PAX3: variants seen among roughly 807,000 people sequenced by gnomAD.
PAX3 encodes paired box protein Pax-3.
A neutral mutation model predicts 51.6 loss-of-function variants in PAX3; 14 were observed. That is an observed-to-expected ratio of 0.27 (90% CI 0.18 to 0.42). The LOEUF is 0.42. Ranked by LOEUF, PAX3 falls within the 10% of genes least tolerant of loss-of-function variation. PAX3 has a pLI of 1.00. For synonymous variants in PAX3, 280 were observed against 253.4 expected (o/e 1.11, Z -1.00); for missense variants, 540 against 642.8 (o/e 0.84, Z 1.73).
intron 8 of PAX3, 71 bp from the exon 9 acceptor site, chr2:222,201,513 A>G: frequency 1.3e-6 from 2 of 1,565,418 alleles, no homozygotes; most frequent in Non-Finnish European, 1.8e-6. Context: ...GATCAGCTAC[A>G]GGCTGACAAT....
At chr2:222,258,026 C>T (rs1429052779) in intron 4 of PAX3, among the ~76,000 whole-genome samples, 1 of 152,204 alleles carries the variant, frequency 6.6e-6, no homozygotes, top group Non-Finnish European at 1.5e-5. Flanking sequence ...GACACCCTTC[C>T]ATTCTAAAAC....
At chr2:222,290,531 G>T (rs1030545077) in intron 4 of PAX3, among the ~76,000 whole-genome samples, 2 of 152,054 alleles carry the variant, frequency 1.3e-5, no homozygotes, top group Admixed American at 6.5e-5. Context: ...AGAGTGTATC[G>T]CCAGTCCCCA....
At chr2:222,256,777 A>G (rs1220755257) in intron 4 of PAX3, among the ~76,000 whole-genome samples, 1 of 152,234 alleles carries the variant, frequency 6.6e-6, no homozygotes, top group African/African-American at 2.4e-5. Context: ...GTAACCTGAC[A>G]TCATCTCAGA....
intron 4 of PAX3, among the ~76,000 whole-genome samples, chr2:222,280,709 G>A (rs1445226889): frequency 2.0e-5 from 3 of 152,196 alleles, no homozygotes; most frequent in Admixed American, 1.3e-4. Flanking sequence ...AGACCCAGAG[G>A]AGCCAAGGCC....
intron 5 of PAX3, among the ~76,000 whole-genome samples, chr2:222,222,264 T>C (rs1335581146): frequency 6.6e-6 from 1 of 152,140 alleles, no homozygotes; most frequent in Non-Finnish European, 1.5e-5. Context: ...CCTGTGCTCC[T>C]GCCCAACTCT....
Position 222,285,655 on chromosome 2 carries a change from A to T in PAX3, c.586+8512T>A, listed in dbSNP as rs45606133. On this transcript the variant is annotated intron_variant, in intron 4 of 8. Coordinates refer to ENST00000392070, the MANE Select transcript of PAX3 (RefSeq NM_181458.4). The stretch of plus-strand genomic sequence containing the variant: ...TGCAATACAAATTTCATAGCAATTA[A>T]CTTTTCTTTCTTAATATTCTACCCT... 5.3e-5 allele frequency among the ~76,000 whole-genome samples: 8 copies of T among 152,352 alleles called. No homozygotes were observed. In the East Asian group the frequency reaches 1.5e-3, roughly 29 times the overall value.
intron 4 of PAX3, among the ~76,000 whole-genome samples, chr2:222,275,704 CA>C (rs967489220): frequency 5.3e-5 from 8 of 151,758 alleles, no homozygotes; most frequent in African/African-American, 1.7e-4. Flanking sequence ...TTCAATATAA[CA>C]AAAAAAATAT....
chr2:222,273,338 C>T (rs1228956160), intron 4 of PAX3, among the ~76,000 whole-genome samples: 4 of 152,096 alleles, frequency 2.6e-5, no homozygotes, highest in African/African-American at 9.7e-5. Context: ...TGTGTGTGCA[C>T]ACGCCTGTGT....
intron 4 of PAX3, among the ~76,000 whole-genome samples, chr2:222,272,722 A>G (rs1052341411): frequency 6.6e-6 from 1 of 152,238 alleles, no homozygotes; most frequent in South Asian, 2.1e-4. Context: ...TTTCTTTGAT[A>G]AAAGCAGCTA....
At chr2:222,229,735 C>T (rs1413383350) in intron 5 of PAX3, among the ~76,000 whole-genome samples, 3 of 152,188 alleles carry the variant, frequency 2.0e-5, no homozygotes, top group African/African-American at 7.2e-5. Flanking sequence ...ACTATTCTCC[C>T]AATATGACTA....
chr2:222,251,616 T>A (rs1693435876), intron 4 of PAX3, among the ~76,000 whole-genome samples: 1 of 152,194 alleles, frequency 6.6e-6, no homozygotes. Flanking sequence ...ATCCTTTGGG[T>A]ATATACTCAG....
chr2:222,240,035 A>G (rs1692950012), intron 4 of PAX3, among the ~76,000 whole-genome samples: 1 of 152,018 alleles, frequency 6.6e-6, no homozygotes, highest in Non-Finnish European at 1.5e-5. Context: ...GTCTCACAGC[A>G]CGAGGTCATT....
At chr2:222,246,934 T>C (rs1693249470) in intron 4 of PAX3, among the ~76,000 whole-genome samples, 1 of 152,362 alleles carries the variant, frequency 6.6e-6, no homozygotes, top group South Asian at 2.1e-4. Context: ...GATGGCCAGA[T>C]ATGAAAATTT....
At chr2:222,290,396 G>T (rs1414448292) in intron 4 of PAX3, among the ~76,000 whole-genome samples, 1 of 152,140 alleles carries the variant, frequency 6.6e-6, no homozygotes, top group Non-Finnish European at 1.5e-5. Context: ...AAATAAGAGG[G>T]AACAGATAGG....
chr2:222,223,147 C>A (rs537312589), intron 5 of PAX3, among the ~76,000 whole-genome samples: 1 of 152,074 alleles, frequency 6.6e-6, no homozygotes, highest in East Asian at 1.9e-4. Context: ...TTAATAAATC[C>A]TTTGCCGAGG....
At chr2:222,241,585 C>A (rs578004394) in intron 4 of PAX3, among the ~76,000 whole-genome samples, 40 of 152,318 alleles carry the variant, frequency 2.6e-4, no homozygotes, top group African/African-American at 9.4e-4. Flanking sequence ...GCTAAAGAGA[C>A]AAATCATACA....
At chr2:222,207,104 A>G (rs1185024100) in intron 7 of PAX3, among the ~76,000 whole-genome samples, 1 of 152,096 alleles carries the variant, frequency 6.6e-6, no homozygotes, top group East Asian at 1.9e-4. Flanking sequence ...TTATTTAGAT[A>G]TAATATATTT....
At chr2:222,243,419 C>CT (rs1445732137) in intron 4 of PAX3, among the ~76,000 whole-genome samples, 1 of 152,168 alleles carries the variant, frequency 6.6e-6, no homozygotes, top group East Asian at 1.9e-4. Flanking sequence ...TGATACTGTC[C>CT]TTTGCACTAG....
rs1400184540 is a variant in PAX3, at chr2:222,200,813, G to A, written c.*595C>T. ...ACAGTAACAAATAATTTATTTAGGAGGTCCTTTACAGCTAGTCTAGCTTCC... is the reference window on the plus strand; with the variant it reads ...ACAGTAACAAATAATTTATTTAGGAAGTCCTTTACAGCTAGTCTAGCTTCC... On this transcript the variant is annotated 3_prime_UTR_variant, in exon 9 of 9. Coordinates refer to ENST00000392070, the MANE Select transcript of PAX3 (RefSeq NM_181458.4). 2 of 336,358 alleles carry A rather than the reference G, an allele frequency of 5.9e-6. No individual in the cohort carries two copies. Among genetic ancestry groups the A allele is most frequent in the African/African-American group, 2.1e-5 (1 of 47,952 alleles). The allele number at this position is 336,358 out of a possible 1,614,324, so 20.8% of individuals were successfully genotyped here. A position where few individuals can be genotyped will look rare whatever the true frequency, so the allele number is the denominator to read the frequency against.
Sources: gnomAD v4.1 joint callset for allele counts (sites outside exome capture counted in the v4.1 genomes callset) on GRCh38, gnomAD v4.1.1 for gene constraint, MANE v1.5 for transcripts, NCBI Gene and HGNC (gene_info 2026-07-23, HGNC 2026-07-21) for gene names.